Variants in ARHGAP42 observed in about 807,000 individuals in gnomAD.
ARHGAP42 encodes rho GTPase-activating protein 42.
A neutral mutation model predicts 125.0 loss-of-function variants in ARHGAP42; 63 were observed. The observed-to-expected ratio is 0.50, with a 90% CI of 0.41 to 0.62. The LOEUF (loss-of-function observed/expected upper bound fraction) is 0.62, where lower values mean the gene tolerates loss of function less well. Among genes scored for constraint, ARHGAP42 ranks in the 20% least tolerant of loss-of-function variants. ARHGAP42 has a pLI of 0.00. For missense variants in ARHGAP42, 766 were observed against 1,024.2 expected (o/e 0.75, Z 3.44); for synonymous variants, 339 against 351.0 (o/e 0.97, Z 0.38).
chr11:100,707,670 C>T (rs1031123645), intron 1 of ARHGAP42, among the ~76,000 whole-genome samples: 11 of 152,180 alleles, frequency 7.2e-5, no homozygotes, highest in African/African-American at 2.2e-4. Flanking sequence ...GAAAATGAGA[C>T]ATTTACTCGC....
At chr11:100,817,781 C>A (rs1185322240) in intron 3 of ARHGAP42, among the ~76,000 whole-genome samples, 1 of 152,136 alleles carries the variant, frequency 6.6e-6, no homozygotes, top group Non-Finnish European at 1.5e-5. Flanking sequence ...GGTGGCAGAA[C>A]TGAAAGTCTA....
intron 4 of ARHGAP42, among the ~76,000 whole-genome samples, chr11:100,877,479 T>G (rs2135169905): frequency 6.6e-6 from 1 of 152,382 alleles, no homozygotes; most frequent in East Asian, 1.9e-4. Context: ...TTGCATTTTC[T>G]TTAATGACCA....
chr11:100,953,758 A>G (rs1264254006), intron 12 of ARHGAP42, among the ~76,000 whole-genome samples: 4 of 152,222 alleles, frequency 2.6e-5, no homozygotes, highest in African/African-American at 7.2e-5. Context: ...ATATTGGTCA[A>G]TGACAGGGTA....
intron 3 of ARHGAP42, among the ~76,000 whole-genome samples, chr11:100,811,847 C>T (rs1206916243): frequency 6.6e-6 from 1 of 152,132 alleles, no homozygotes; most frequent in Non-Finnish European, 1.5e-5. Context: ...CTTTGCTGAA[C>T]AGTGTCAATG....
chr11:100,749,252 G>C (rs567293669), intron 1 of ARHGAP42, among the ~76,000 whole-genome samples: 1 of 152,108 alleles, frequency 6.6e-6, no homozygotes, highest in South Asian at 2.1e-4. Context: ...ATCTTGCCTT[G>C]CCTGTCCTGG....
chr11:100,716,757 T>C (rs1448728508), intron 1 of ARHGAP42, among the ~76,000 whole-genome samples: 1 of 152,200 alleles, frequency 6.6e-6, no homozygotes, highest in African/African-American at 2.4e-5. Context: ...TTTTGTAGGA[T>C]AAGTCTTGTG....
intron 3 of ARHGAP42, among the ~76,000 whole-genome samples, chr11:100,837,443 A>T (rs1864817275): frequency 6.6e-6 from 1 of 152,090 alleles, no homozygotes; most frequent in South Asian, 2.1e-4. Flanking sequence ...ACACAAAAGA[A>T]TTTGGAAATG....
In ARHGAP42 at chr11:100,776,229, T is replaced by C. The variant is rs61890768; in HGVS notation, c.250+5791T>C. ...CCAATAAAAATGTTAGTCATTAATA[T>C]GAGGCAAAGTTTATTCATTCTATGT... On this transcript the variant is annotated intron_variant, in intron 2 of 23. Coordinates refer to ENST00000298815, the MANE Select transcript of ARHGAP42 (RefSeq NM_152432.4). 5.9e-3 allele frequency among the ~76,000 whole-genome samples: 896 copies of C among 152,250 alleles called. 5 individuals carry two copies. Among genetic ancestry groups the C allele is most frequent in the Non-Finnish European group, 7.6e-3 (519 of 68,026 alleles).
rs1239165971 is a variant in ARHGAP42, at chr11:100,687,561, G to C, written c.-118G>C. 2.4e-5 allele frequency: 18 copies of C among 760,092 alleles called. No individual in the cohort carries two copies. The highest frequency in any genetic ancestry group is 2.7e-5 in the Non-Finnish European group (16 of 585,940). 47.1% of individuals were successfully genotyped at this position (760,092 alleles called of 1,614,324 possible). ...TTTCCTCCGCGCAATCAGTCCCCTC[G>C]CGTCCCGGCGCCTTCCCCGCGATCG... On this transcript the variant is annotated 5_prime_UTR_variant, in exon 1 of 24. Transcript: ENST00000298815.
intron 17 of ARHGAP42, among the ~76,000 whole-genome samples, chr11:100,969,755 A>G (rs1408570603): frequency 6.6e-6 from 1 of 152,008 alleles, no homozygotes; most frequent in Non-Finnish European, 1.5e-5. Flanking sequence ...GACTTTGGAT[A>G]TATTTGTGAC....
chr11:100,914,566 G>T (rs1324141622), intron 5 of ARHGAP42, among the ~76,000 whole-genome samples: 1 of 151,944 alleles, frequency 6.6e-6, no homozygotes, highest in African/African-American at 2.4e-5. Flanking sequence ...TCTCTCCTCC[G>T]CCTCCTGGTG....
intron 1 of ARHGAP42, among the ~76,000 whole-genome samples, chr11:100,765,504 C>G (rs1033722036): frequency 1.3e-5 from 2 of 152,068 alleles, no homozygotes; most frequent in African/African-American, 4.8e-5. Context: ...GGTGTGATGG[C>G]ATCTAGTTCT....
chr11:100,716,490 T>C (rs116805590), intron 1 of ARHGAP42, among the ~76,000 whole-genome samples: 183 of 152,338 alleles, frequency 1.2e-3, no homozygotes, highest in African/African-American at 4.1e-3. Flanking sequence ...AGTTTTCTAG[T>C]TAGTAAATTT....
chr11:100,886,331 A>G (rs1000881113), intron 4 of ARHGAP42, among the ~76,000 whole-genome samples: 1 of 152,312 alleles, frequency 6.6e-6, no homozygotes, highest in African/African-American at 2.4e-5. Flanking sequence ...TCCTTGAATA[A>G]GTGTATGAAA....
chr11:100,750,555 C>G (rs1053485079), intron 1 of ARHGAP42, among the ~76,000 whole-genome samples: 1 of 145,722 alleles, frequency 6.9e-6, no homozygotes, highest in Non-Finnish European at 1.5e-5. Context: ...TGCACGTGGC[C>G]CCTGCTGCTG....
chr11:100,934,590 C>T (rs1867682924), intron 7 of ARHGAP42, among the ~76,000 whole-genome samples: 1 of 152,114 alleles, frequency 6.6e-6, no homozygotes, highest in South Asian at 2.1e-4. Context: ...AAAGTTGAGC[C>T]AACCTATTTC....
intron 4 of ARHGAP42, among the ~76,000 whole-genome samples, chr11:100,880,111 T>C (rs1865920894): frequency 6.6e-6 from 1 of 152,242 alleles, no homozygotes; most frequent in African/African-American, 2.4e-5. Flanking sequence ...TTTAATTTTT[T>C]TATTTCCATA....
intron 8 of ARHGAP42, among the ~76,000 whole-genome samples, chr11:100,938,933 G>A (rs1225686072): frequency 1.3e-5 from 2 of 152,030 alleles, no homozygotes; most frequent in Non-Finnish European, 2.9e-5. Flanking sequence ...TTTTTATTCT[G>A]TAGTTGAAAA....
intron 8 of ARHGAP42, among the ~76,000 whole-genome samples, chr11:100,941,307 G>C (rs1867878873): frequency 1.3e-5 from 2 of 152,150 alleles, no homozygotes; most frequent in African/African-American, 4.8e-5. Context: ...TGGATAATAG[G>C]CTCTTTGATT....
Sources: gnomAD v4.1 joint callset for allele counts (sites outside exome capture counted in the v4.1 genomes callset) on GRCh38, gnomAD v4.1.1 for gene constraint, MANE v1.5 for transcripts, NCBI Gene and HGNC (gene_info 2026-07-23, HGNC 2026-07-21) for gene names.